The following SPATA6 variants were observed in gnomAD, a reference collection of about 807,000 sequenced individuals.
SPATA6 encodes the protein spermatogenesis-associated protein 6.
A neutral mutation model predicts 65.3 loss-of-function variants in SPATA6; 56 were observed. The observed-to-expected ratio is 0.86, with a 90% CI of 0.69 to 1.07. The LOEUF (loss-of-function observed/expected upper bound fraction) is 1.07, where lower values mean the gene tolerates loss of function less well. Ranked by LOEUF, SPATA6 falls within the 50% of genes least tolerant of loss-of-function variation. The probability of loss-of-function intolerance (pLI) is 0.00; values close to 1 mark genes in which losing one functional copy is unlikely to be tolerated. For synonymous variants in SPATA6, 199 were observed against 213.2 expected (o/e 0.93, Z 0.58); for missense variants, 590 against 594.8 (o/e 0.99, Z 0.08).
chr1:48,302,484 T>G (rs1469926486), intron 12 of SPATA6, among the ~76,000 whole-genome samples: 2 of 152,228 alleles, frequency 1.3e-5, no homozygotes, highest in African/African-American at 4.8e-5. Flanking sequence ...GGTACTTGTC[T>G]TGGCTTCTCA....
the SPATA6 span, among the ~76,000 whole-genome samples, chr1:48,286,861 G>A: frequency 6.6e-6 from 1 of 151,830 alleles, no homozygotes; most frequent in African/African-American, 2.4e-5. Context: ...ACATGGTGAA[G>A]CCCTGTCTCT....
intron 9 of SPATA6, among the ~76,000 whole-genome samples, chr1:48,380,539 A>G (rs1648442253): frequency 6.6e-6 from 1 of 152,248 alleles, no homozygotes; most frequent in Non-Finnish European, 1.5e-5. Context: ...TAGCCACCTT[A>G]GGATAAAGAT....
the SPATA6 span, among the ~76,000 whole-genome samples, chr1:48,274,435 T>C: frequency 6.6e-6 from 1 of 152,192 alleles, no homozygotes; most frequent in Admixed American, 6.6e-5. Flanking sequence ...TCCTGAATGG[T>C]ATTGCCTAGG....
intron 3 of SPATA6, among the ~76,000 whole-genome samples, chr1:48,425,486 T>C (rs75380943): frequency 0.014 from 2,207 of 152,278 alleles, 53 homozygotes; most frequent in African/African-American, 0.05. Context: ...TTAGACACTT[T>C]AGTATACAAA....
intron 9 of SPATA6, among the ~76,000 whole-genome samples, chr1:48,372,148 C>T (rs1647348762): frequency 6.6e-6 from 1 of 152,192 alleles, no homozygotes; most frequent in African/African-American, 2.4e-5. Context: ...CTCATTTTAG[C>T]ATTAACCCAA....
chr1:48,334,748 A>G (rs1237861849), intron 11 of SPATA6, among the ~76,000 whole-genome samples: 1 of 151,980 alleles, frequency 6.6e-6, no homozygotes, highest in Non-Finnish European at 1.5e-5. Context: ...CTCTCTCACC[A>G]CTCCTATTCA....
At chr1:48,370,775 C>T (rs1647216706) in intron 9 of SPATA6, among the ~76,000 whole-genome samples, 1 of 152,104 alleles carries the variant, frequency 6.6e-6, no homozygotes, top group Non-Finnish European at 1.5e-5. Flanking sequence ...AGTGGGGGTT[C>T]CAGACCAATT....
At chr1:48,366,834 C>T (rs1387053098) in intron 9 of SPATA6, among the ~76,000 whole-genome samples, 1 of 152,108 alleles carries the variant, frequency 6.6e-6, no homozygotes, top group African/African-American at 2.4e-5. Flanking sequence ...TTGCCTTCTG[C>T]TAGCTTTTGA....
intron 1 of SPATA6, among the ~76,000 whole-genome samples, chr1:48,456,350 A>G (rs781392439): frequency 1.3e-5 from 2 of 152,238 alleles, no homozygotes; most frequent in Non-Finnish European, 2.9e-5. Flanking sequence ...AATTAATTAA[A>G]CAAACAAAAA....
chr1:48,404,949 G>A (rs1209443897), intron 5 of SPATA6, among the ~76,000 whole-genome samples: 1 of 152,100 alleles, frequency 6.6e-6, no homozygotes, highest in Non-Finnish European at 1.5e-5. Context: ...CTATGCCCAG[G>A]GCAGTTTCAT....
chr1:48,282,133 G>A, the SPATA6 span, among the ~76,000 whole-genome samples: 1 of 152,222 alleles, frequency 6.6e-6, no homozygotes, highest in African/African-American at 2.4e-5. Flanking sequence ...CTAGCCATAT[G>A]TAGAAAGCTG....
intron 1 of SPATA6, among the ~76,000 whole-genome samples, chr1:48,468,500 G>C (rs1323653715): frequency 6.6e-6 from 1 of 152,148 alleles, no homozygotes. Context: ...TATGTACACT[G>C]TGAAATGATT....
intron 11 of SPATA6, among the ~76,000 whole-genome samples, chr1:48,319,222 T>A (rs955762257): frequency 1.1e-4 from 17 of 152,268 alleles, no homozygotes; most frequent in African/African-American, 4.1e-4. Flanking sequence ...TTCTGAGATA[T>A]CCTAAGCAAA....
intron 9 of SPATA6, 57 bp from the exon 10 acceptor site, chr1:48,359,827 CATATT>C: frequency 7.5e-7 from 1 of 1,335,900 alleles, no homozygotes; most frequent in Non-Finnish European, 1.0e-6. Context: ...ATGTATATAA[CATATT>C]ATATAGTAAT....
chr1:48,307,582 T>C (rs1645093230), intron 11 of SPATA6, among the ~76,000 whole-genome samples: 1 of 151,270 alleles, frequency 6.6e-6, no homozygotes, highest in Admixed American at 6.6e-5. Context: ...TTGCACATCT[T>C]GTAATTTTGT....
rs553900142 is a variant in SPATA6, at chr1:48,435,836, G to A, written c.238+15716C>T. The A allele has an allele frequency of 2.6e-4, 265 of 1,007,900 alleles. No individual in the cohort carries two copies. The African/African-American group carries it at 3.9e-3, about 15-fold the overall frequency. 62.4% of individuals were successfully genotyped at this position (1,007,900 alleles called of 1,614,324 possible). On this transcript the variant is annotated intron_variant, in intron 3 of 12. Transcript: ENST00000371847. The stretch of plus-strand genomic sequence containing the variant: ...CCCGCCCCTGTCCGCACCGCTGGCA[G>A]CCTGAAGAGAGTCGCTGGCCATGGT...
At position 48,353,562 on chromosome 1, in the gene SPATA6, CA is replaced by C. The variant is rs539724525; in HGVS notation, c.1194+2107del. ...AAAGCTGCTGTAGCTATACTAATAT[CA>C]GATAAAATATACTGTGAAACAAGGA... On this transcript the variant is annotated intron_variant, in intron 11 of 12. Coordinates refer to ENST00000371847, the MANE Select transcript of SPATA6 (RefSeq NM_019073.4). 2.5e-3 allele frequency among the ~76,000 whole-genome samples: 383 copies of C among 151,578 alleles called. 2 individuals carry two copies. The highest frequency in any genetic ancestry group is 3.5e-3 in the Non-Finnish European group (236 of 67,812).
intron 5 of SPATA6, among the ~76,000 whole-genome samples, chr1:48,410,958 T>C (rs748828278): frequency 6.6e-6 from 1 of 152,228 alleles, no homozygotes. Flanking sequence ...TTTTATCAGA[T>C]TTATTAAATT....
chr1:48,466,657 T>G (rs961867923), intron 1 of SPATA6, among the ~76,000 whole-genome samples: 9 of 127,476 alleles, frequency 7.1e-5, no homozygotes, highest in East Asian at 6.1e-4. Flanking sequence ...AAGGATTCAG[T>G]TTTTTTTTTC....
Sources: gnomAD v4.1 joint callset for allele counts (sites outside exome capture counted in the v4.1 genomes callset) on GRCh38, gnomAD v4.1.1 for gene constraint, MANE v1.5 for transcripts, NCBI Gene and HGNC (gene_info 2026-07-23, HGNC 2026-07-21) for gene names.